The following ZFAND3 variants were observed in gnomAD, a reference collection of about 807,000 sequenced individuals.
ZFAND3 encodes the protein zinc finger AN1-type containing 3, also known as AN1-type zinc finger protein 3.
Under a neutral mutation model 29.6 loss-of-function variants are expected in ZFAND3, and 10 were observed. The ratio of observed to expected loss-of-function variants is 0.34; its 90% CI spans 0.21 to 0.57. The LOEUF (loss-of-function observed/expected upper bound fraction) is 0.57, where lower values mean the gene tolerates loss of function less well. ZFAND3 is among the 20% of genes least tolerant of loss of function. The pLI, the probability that ZFAND3 is intolerant of heterozygous loss-of-function variation, is 0.86. For missense variants in ZFAND3, 230 were observed against 304.5 expected (o/e 0.76, Z 1.82); for synonymous variants, 128 against 112.6 (o/e 1.14, Z -0.87).
Position 37,819,979 on chromosome 6 carries a change from C to T in ZFAND3, c.34C>T (p.Pro12Ser). ...GDAGSERSKA[P>S]SLPPRCPCGF... ...CGCTGGGAGCGAGCGCAGCAAAGCG[C>T]CCAGCCTGCCGCCTCGCTGTCCCTG... Residue 12 changes from proline to serine, a missense_variant, in exon 1 of 6, where the codon CCC (proline) becomes TCC (serine). Around this residue, in one of 2 missense-constraint regions of ZFAND3, gnomAD observed 180 missense variants for 202.5 expected, o/e 0.89. Coordinates refer to ENST00000287218, the MANE Select transcript of ZFAND3 (RefSeq NM_021943.3). The T allele has an allele frequency of 2.5e-6, 3 of 1,222,566 alleles. No individual in the cohort carries two copies. Among genetic ancestry groups the T allele is most frequent in the Non-Finnish European group, 3.1e-6 (3 of 982,020 alleles). The allele number at this position is 1,222,566 out of a possible 1,614,324, so 75.7% of individuals were successfully genotyped here.
At position 37,977,415 on chromosome 6, in the gene ZFAND3, C is replaced by T. The variant is rs530599199; in HGVS notation, c.112+47416C>T. On this transcript the variant is annotated intron_variant, in intron 2 of 5. Coordinates refer to ENST00000287218, the MANE Select transcript of ZFAND3 (RefSeq NM_021943.3). ...CTCCCGGGTTCAAGTGATTCTCGTG[C>T]GTTAGCCTCCCGAGTAGCTAGGATT... Among the ~76,000 whole-genome samples, 8 of 152,286 alleles carry T rather than the reference C, an allele frequency of 5.3e-5. No individual in the cohort carries two copies. The East Asian group carries it at 1.3e-3, about 26-fold the overall frequency.
intron 2 of ZFAND3, among the ~76,000 whole-genome samples, chr6:37,954,708 C>A (rs1411363474): frequency 6.6e-6 from 1 of 152,018 alleles, no homozygotes; most frequent in African/African-American, 2.4e-5. Context: ...TTTTTGTATT[C>A]CTTAAAAACT....
At position 37,898,627 on chromosome 6, in the gene ZFAND3, G is replaced by T. The variant is rs138620023; in HGVS notation, c.72-31332G>T. ...TTATGTAAGTCTTTAATTTCCCTCA[G>T]AAGTGTTTTATAATTTTCAGTGTAG... is the stretch of plus-strand genomic sequence containing the variant. On this transcript the variant is annotated intron_variant, in intron 1 of 5. Transcript: ENST00000287218. 3.7e-3 allele frequency among the ~76,000 whole-genome samples: 565 copies of T among 152,122 alleles called. 2 individuals carry two copies. Among genetic ancestry groups the T allele is most frequent in the Middle Eastern group, 0.014 (4 of 294 alleles).
chr6:37,834,854 C>CAA (rs35865620), intron 1 of ZFAND3, among the ~76,000 whole-genome samples: 33,022 of 141,910 alleles, frequency 0.23, 5,195 homozygotes, highest in African/African-American at 0.44. Context: ...ATGTATGTTT[C>CAA]AAAAAAAAAA....
chr6:37,885,334 A>T (rs1369409404), intron 1 of ZFAND3, among the ~76,000 whole-genome samples: 2 of 152,202 alleles, frequency 1.3e-5, no homozygotes, highest in African/African-American at 4.8e-5. Flanking sequence ...CTAGGAATAC[A>T]TTTATATGGT....
intron 5 of ZFAND3, among the ~76,000 whole-genome samples, chr6:38,134,236 A>G (rs1765799398): frequency 6.6e-6 from 1 of 152,180 alleles, no homozygotes; most frequent in South Asian, 2.1e-4. Flanking sequence ...TGACATGCAC[A>G]TTCCGTTCTC....
chr6:38,127,898 G>A (rs1296357653), intron 5 of ZFAND3, among the ~76,000 whole-genome samples: 1 of 152,150 alleles, frequency 6.6e-6, no homozygotes, highest in Non-Finnish European at 1.5e-5. Flanking sequence ...CACACTCACT[G>A]TACCTCCCTG....
intron 2 of ZFAND3, among the ~76,000 whole-genome samples, chr6:38,044,655 GC>G (rs1763861876): frequency 6.6e-6 from 1 of 152,214 alleles, no homozygotes; most frequent in South Asian, 2.1e-4. Flanking sequence ...TTGGGAATGT[GC>G]TGCAGCCTTT....
rs183784981 is a variant in ZFAND3, at chr6:37,876,404, C to G, written c.72-53555C>G. On this transcript the variant is annotated intron_variant, in intron 1 of 5. Coordinates refer to ENST00000287218, the MANE Select transcript of ZFAND3 (RefSeq NM_021943.3). ...CCTACGTGTTAGTGGTAAGTGAAGTCATCTCAGTCAGCATTACGGCAAAGC... is the reference window on the plus strand; with the variant it reads ...CCTACGTGTTAGTGGTAAGTGAAGTGATCTCAGTCAGCATTACGGCAAAGC... Among the ~76,000 whole-genome samples, 369 of 152,260 alleles carry G rather than the reference C, an allele frequency of 2.4e-3. 1 individual carries two copies. Among genetic ancestry groups the G allele is most frequent in the African/African-American group, 8.4e-3 (347 of 41,538 alleles).
rs537177934 is a variant in ZFAND3 at position 37,925,636 on chromosome 6, G to A, written c.72-4323G>A. Among the ~76,000 whole-genome samples, 4 of 151,822 alleles carry A rather than the reference G, an allele frequency of 2.6e-5. 1 individual carries two copies. The highest frequency in any genetic ancestry group is 9.7e-5 in the African/African-American group (4 of 41,372). On this transcript the variant is annotated intron_variant, in intron 1 of 5. Transcript: ENST00000287218. ...GGAGAATCGCTTGAACCCAGGAGGCGGAGGTTGCAGTGAGCTGAGATCATG... is the reference window on the plus strand; with the variant it reads ...GGAGAATCGCTTGAACCCAGGAGGCAGAGGTTGCAGTGAGCTGAGATCATG...
chr6:38,086,096 T>C (rs2127472184), intron 4 of ZFAND3, among the ~76,000 whole-genome samples: 1 of 152,330 alleles, frequency 6.6e-6, no homozygotes, highest in Non-Finnish European at 1.5e-5. Flanking sequence ...AGAAATTGTT[T>C]TGTGATCACT....
intron 2 of ZFAND3, among the ~76,000 whole-genome samples, chr6:37,974,864 G>C (rs987197434): frequency 6.6e-6 from 1 of 152,096 alleles, no homozygotes; most frequent in African/African-American, 2.4e-5. Flanking sequence ...ACATTTGGTG[G>C]CTTTGAGCTC....
chr6:38,133,084 C>T (rs993377577), intron 5 of ZFAND3, among the ~76,000 whole-genome samples: 1 of 152,168 alleles, frequency 6.6e-6, no homozygotes, highest in Admixed American at 6.5e-5. Context: ...CCTCACAAAA[C>T]CTGGTGTCTT....
At chr6:38,120,646 G>C (rs1031822171) in intron 5 of ZFAND3, among the ~76,000 whole-genome samples, 1 of 152,038 alleles carries the variant, frequency 6.6e-6, no homozygotes, top group Non-Finnish European at 1.5e-5. Context: ...CTTAATCACT[G>C]TGCAATGCTT....
At chr6:37,937,577 C>T (rs939359095) in intron 2 of ZFAND3, among the ~76,000 whole-genome samples, 1 of 145,918 alleles carries the variant, frequency 6.9e-6, no homozygotes, top group African/African-American at 2.5e-5. Flanking sequence ...ATCGCTTGAA[C>T]CAGGGAGTCG....
In ZFAND3 at chr6:38,041,687, C is replaced by CTTCTT. The variant is rs1561976808; in HGVS notation, c.113-19906_113-19905insTTCTT. Among the ~76,000 whole-genome samples the CTTCTT allele has an allele frequency of 6.4e-4, 11 of 17,228 alleles. 1 individual carries two copies. Among genetic ancestry groups the CTTCTT allele is most frequent in the African/African-American group, 1.1e-3 (5 of 4,472 alleles). The allele number at this position is 17,228 out of a possible 152,430, so 11.3% of individuals were successfully genotyped here. On this transcript the variant is annotated intron_variant, in intron 2 of 5. Coordinates refer to ENST00000287218, the MANE Select transcript of ZFAND3 (RefSeq NM_021943.3). ...TTCTTCTTCTTCTTCTTCTTCTTCT[C>CTTCTT]CTTCTCCTTCTCCTCCTCCTCCTCC...
At chr6:38,103,037 G>A (rs1581919285) in intron 4 of ZFAND3, among the ~76,000 whole-genome samples, 1 of 152,156 alleles carries the variant, frequency 6.6e-6, no homozygotes, top group African/African-American at 2.4e-5. Context: ...GATTATAGGC[G>A]TGAGCCACCG....
intron 2 of ZFAND3, among the ~76,000 whole-genome samples, chr6:37,932,269 A>AT (rs2127413557): frequency 6.7e-6 from 1 of 150,238 alleles, no homozygotes; most frequent in African/African-American, 2.5e-5. Context: ...TCAAAAAAAA[A>AT]AAAATAAATA....
intron 1 of ZFAND3, among the ~76,000 whole-genome samples, chr6:37,917,414 T>C (rs1001981866): frequency 2.0e-5 from 3 of 152,228 alleles, no homozygotes; most frequent in African/African-American, 7.2e-5. Context: ...GACAGAATTA[T>C]AAAGTTTACA....
Sources: gnomAD v4.1 joint callset for allele counts (sites outside exome capture counted in the v4.1 genomes callset) on GRCh38, gnomAD v4.1.1 for gene constraint, gnomAD v4.1.1 regional missense constraint, MANE v1.5 for transcripts, NCBI Gene and HGNC (gene_info 2026-07-23, HGNC 2026-07-21) for gene names.